Variants in RIMBP2 observed in about 807,000 individuals in gnomAD.
The protein encoded by RIMBP2 is RIMS binding protein 2.
In RIMBP2, 48 loss-of-function variants were observed where a neutral mutation model predicts 118.6. That is an observed-to-expected ratio of 0.40 (90% CI 0.32 to 0.51). The LOEUF (loss-of-function observed/expected upper bound fraction) is 0.51. Ranked by LOEUF, RIMBP2 falls within the 20% of genes least tolerant of loss-of-function variation. The pLI is 0.41. For missense variants in RIMBP2, 1,551 were observed against 1,768.3 expected (o/e 0.88, Z 2.20); for synonymous variants, 762 against 742.9 (o/e 1.03, Z -0.42).
In RIMBP2 at chr12:130,584,928, T is replaced by G. The variant is rs143996317; in HGVS notation, c.-217+43394A>C. 2.1e-3 allele frequency among the ~76,000 whole-genome samples: 324 copies of G among 152,322 alleles called. 4 individuals are homozygous for G. The highest frequency in any genetic ancestry group is 6.9e-3 in the African/African-American group (285 of 41,572). ...TTTTTTGAGACAGAGTCTTGCTATGTCACCCAGGCTGGAATGCAGTGTCAT... is the reference window on the plus strand; with the variant it reads ...TTTTTTGAGACAGAGTCTTGCTATGGCACCCAGGCTGGAATGCAGTGTCAT... On this transcript the variant is annotated intron_variant, in intron 2 of 22. Transcript: ENST00000690449.
At chr12:130,687,561 T>C (rs146056049) in intron 1 of RIMBP2, among the ~76,000 whole-genome samples, 51 of 152,344 alleles carry the variant, frequency 3.3e-4, no homozygotes, top group African/African-American at 1.2e-3. Context: ...TTTTCCTAGA[T>C]GTTTGTTTCT....
Position 130,581,786 on chromosome 12 carries a change from A to C in RIMBP2, c.-217+46536T>G, listed in dbSNP as rs1227419659. On this transcript the variant is annotated intron_variant, in intron 2 of 22. Transcript: ENST00000690449. This position sits in a 1 kb window ranked among gnomAD's most constrained non-coding sequence, Gnocchi z 4.4. ...TTCTCCTGGTCTGTTCTTACTCCCCATTAGTAAGCTGTCAACATGGTGGCC... is the reference window on the plus strand; with the variant it reads ...TTCTCCTGGTCTGTTCTTACTCCCCCTTAGTAAGCTGTCAACATGGTGGCC... 2.0e-5 allele frequency among the ~76,000 whole-genome samples: 3 copies of C among 152,192 alleles called. No individual in the cohort carries two copies. Among genetic ancestry groups the C allele is most frequent in the Non-Finnish European group, 4.4e-5 (3 of 68,022 alleles).
chr12:130,710,884 G>A lies in RIMBP2; in HGVS notation c.-352+5338C>T, dbSNP rs1486535779. ...CTCCCAATCCTCACAGGCCCCGCAC[G>A]TCACACGTGGGGTCCCATGGAGCCC... On this transcript the variant is annotated intron_variant, in intron 1 of 22. Coordinates refer to ENST00000690449, the MANE Select transcript of RIMBP2 (RefSeq NM_001393629.1). This position sits in a 1 kb window ranked among gnomAD's most constrained non-coding sequence, Gnocchi z 4.3. Among the ~76,000 whole-genome samples the A allele has an allele frequency of 6.6e-6, 1 of 152,236 alleles. No homozygotes were observed. The highest frequency in any genetic ancestry group is 1.5e-5 in the Non-Finnish European group (1 of 68,048).
At chr12:130,675,532 TCCGTCCACCCCCATGCCTCCAGG>T (rs144912660) in intron 1 of RIMBP2, among the ~76,000 whole-genome samples, 148,187 of 150,728 alleles carry the variant, frequency 0.98, 72,888 homozygotes, top group Non-Finnish European at 1. Flanking sequence ...CCCACTCCCT[TCCGTCCACCCCCATGCCTCCAGG>T]CCGTCCACCC....
At chr12:130,539,093 TTTTA>T (rs1175802184) in intron 2 of RIMBP2, among the ~76,000 whole-genome samples, 1 of 152,146 alleles carries the variant, frequency 6.6e-6, no homozygotes, top group East Asian at 1.9e-4. Context: ...TTAAATAAAG[TTTTA>T]TTGGAACACA....
chr12:130,549,016 C>T (rs1006814520), intron 2 of RIMBP2, among the ~76,000 whole-genome samples: 5 of 152,196 alleles, frequency 3.3e-5, no homozygotes, highest in Admixed American at 2.6e-4. Context: ...GCAAAAGTAT[C>T]TCTGTGAAAA....
At chr12:130,439,234 G>A (rs2077812950) in intron 11 of RIMBP2, among the ~76,000 whole-genome samples, 1 of 151,748 alleles carries the variant, frequency 6.6e-6, no homozygotes, top group African/African-American at 2.4e-5. Context: ...GTGTGTAGAT[G>A]TATATGTATG....
At chr12:130,687,543 G>A (rs1380538633) in intron 1 of RIMBP2, among the ~76,000 whole-genome samples, 2 of 152,166 alleles carry the variant, frequency 1.3e-5, no homozygotes, top group Non-Finnish European at 2.9e-5. Context: ...GTGGTTCTGT[G>A]ATGTGTATTT....
At chr12:130,641,417 C>G (rs890791093) in intron 1 of RIMBP2, among the ~76,000 whole-genome samples, 3 of 144,532 alleles carry the variant, frequency 2.1e-5, no homozygotes, top group Non-Finnish European at 3.0e-5. Context: ...GGCCCGGCAT[C>G]ACGGGCTGGA....
intron 4 of RIMBP2, among the ~76,000 whole-genome samples, chr12:130,480,298 C>T (rs2081864720): frequency 6.6e-6 from 1 of 151,828 alleles, no homozygotes; most frequent in African/African-American, 2.4e-5. Flanking sequence ...GACCAGATTC[C>T]TTCAAAAATG....
At position 130,442,137 on chromosome 12, in the gene RIMBP2, C is replaced by G. The variant is rs1158609497; in HGVS notation, c.1215G>C (p.Lys405Asn). 3.1e-6 allele frequency: 5 copies of G among 1,614,174 alleles called. No individual in the cohort carries two copies. Among genetic ancestry groups the G allele is most frequent in the Non-Finnish European group, 4.2e-6 (5 of 1,180,010 alleles). The change falls in exon 11 of 23, where the codon AAG becomes AAC. Residue 405 changes from lysine (K) to asparagine (N), a missense_variant. By Grantham distance (94) the Lys-to-Asn change is moderately conservative (BLOSUM62 0). Around this residue, in one of 5 missense-constraint regions of RIMBP2, gnomAD observed 265 missense variants for 349.5 expected, o/e 0.76. Transcript: ENST00000690449. The surrounding 1 kb of genome is among the most constrained non-coding windows in gnomAD (Gnocchi z 6.9). ...DELQCTLLVG[K>N]DVVVAPSHLR... is the part of the protein sequence containing the mutation. ...GGTGGGAGGGGGCCACCACCACGTC[C>G]TTGCCCACCAGCAGCGTGCACTGCA...
chr12:130,680,187 C>G (rs1332292983), intron 1 of RIMBP2, among the ~76,000 whole-genome samples: 2 of 152,248 alleles, frequency 1.3e-5, no homozygotes, highest in Admixed American at 1.3e-4. Flanking sequence ...TTGGAAAGTT[C>G]TCAGTAAAAA....
intron 1 of RIMBP2, among the ~76,000 whole-genome samples, chr12:130,672,463 T>C: frequency 6.6e-6 from 1 of 152,200 alleles, no homozygotes. Context: ...CTCTTTTCAC[T>C]CTCCCAAGTG....
chr12:130,402,991 A>G (rs752596525), intron 21 of RIMBP2, among the ~76,000 whole-genome samples: 1 of 152,194 alleles, frequency 6.6e-6, no homozygotes, highest in Non-Finnish European at 1.5e-5. Context: ...AAAGGAGGAA[A>G]AGGCCAGGGA....
chr12:130,478,287 T>C (rs1007550815), intron 5 of RIMBP2, among the ~76,000 whole-genome samples: 1 of 152,234 alleles, frequency 6.6e-6, no homozygotes, highest in Non-Finnish European at 1.5e-5. Flanking sequence ...CTATAAATAT[T>C]GCTCTGCAAC....
chr12:130,641,049 T>C (rs1288908155), intron 1 of RIMBP2, among the ~76,000 whole-genome samples: 1 of 152,180 alleles, frequency 6.6e-6, no homozygotes, highest in Non-Finnish European at 1.5e-5. Context: ...GTTTCTGTGG[T>C]TGGGCAGGAG....
At chr12:130,678,646 T>C (rs1181369965) in intron 1 of RIMBP2, among the ~76,000 whole-genome samples, 2 of 152,166 alleles carry the variant, frequency 1.3e-5, no homozygotes, top group African/African-American at 4.8e-5. Flanking sequence ...GCCTCCAGAA[T>C]AGTTGGGACT....
At chr12:130,566,736 AG>A (rs2057249970) in intron 2 of RIMBP2, among the ~76,000 whole-genome samples, 1 of 152,260 alleles carries the variant, frequency 6.6e-6, no homozygotes, top group Admixed American at 6.5e-5. Context: ...GGCTGCTTCT[AG>A]GATCCTGACC....
intron 5 of RIMBP2, among the ~76,000 whole-genome samples, chr12:130,478,310 C>T (rs368546701): frequency 2.0e-5 from 3 of 152,340 alleles, no homozygotes; most frequent in Middle Eastern, 3.4e-3. Context: ...AGTTTTCTCA[C>T]TTGATAACAC....
Sources: gnomAD v4.1 joint callset for allele counts (sites outside exome capture counted in the v4.1 genomes callset) on GRCh38, gnomAD v4.1.1 for gene constraint, gnomAD v4.1.1 regional missense constraint, Gnocchi (gnomAD v3.1) non-coding constraint, MANE v1.5 for transcripts, NCBI Gene and HGNC (gene_info 2026-07-23, HGNC 2026-07-21) for gene names.